Variants in PTPRT observed in about 807,000 individuals in gnomAD.
PTPRT encodes the protein receptor-type tyrosine-protein phosphatase T.
In PTPRT, 56 loss-of-function variants were observed where a neutral mutation model predicts 176.8. The observed-to-expected ratio is 0.32, with a 90% CI of 0.26 to 0.40. The LOEUF (loss-of-function observed/expected upper bound fraction) is 0.40, where lower values mean the gene tolerates loss of function less well. PTPRT is among the 10% of genes least tolerant of loss of function. PTPRT has a pLI of 1.00. For synonymous variants in PTPRT, 783 were observed against 739.0 expected (o/e 1.06, Z -0.96); for missense variants, 1,540 against 1,908.2 (o/e 0.81, Z 3.60).
chr20:42,560,261 G>A (rs376873842), intron 7 of PTPRT, among the ~76,000 whole-genome samples: 1 of 152,156 alleles, frequency 6.6e-6, no homozygotes, highest in African/African-American at 2.4e-5. Flanking sequence ...GGAGGTACAG[G>A]CATGGGATTG....
At chr20:42,827,890 T>C (rs2078023029) in intron 2 of PTPRT, among the ~76,000 whole-genome samples, 1 of 152,162 alleles carries the variant, frequency 6.6e-6, no homozygotes. Flanking sequence ...GAACGGTGAG[T>C]CAACTAAACA....
chr20:42,805,874 T>C (rs1045378510), intron 2 of PTPRT, among the ~76,000 whole-genome samples: 6 of 152,168 alleles, frequency 3.9e-5, no homozygotes, highest in African/African-American at 1.2e-4. Context: ...GGACCGGTGC[T>C]TCTCATCTTT....
intron 9 of PTPRT, among the ~76,000 whole-genome samples, chr20:42,437,081 C>T (rs373189129): frequency 3.9e-5 from 6 of 152,068 alleles, no homozygotes; most frequent in South Asian, 4.2e-4. Flanking sequence ...GATGGGGAGA[C>T]GTAAGTGAGT....
At chr20:43,010,488 C>G (rs564727054) in intron 1 of PTPRT, among the ~76,000 whole-genome samples, 21 of 152,230 alleles carry the variant, frequency 1.4e-4, no homozygotes, top group African/African-American at 4.8e-4. Context: ...ATAGTGTTCC[C>G]CAAGAACTTA....
intron 9 of PTPRT, among the ~76,000 whole-genome samples, chr20:42,392,952 T>C (rs77561468): frequency 0.069 from 10,417 of 152,016 alleles, 446 homozygotes; most frequent in African/African-American, 0.12. Flanking sequence ...AAGAGGAAAA[T>C]CTGATTTTTT....
At chr20:42,629,719 A>T (rs1239913632) in intron 7 of PTPRT, among the ~76,000 whole-genome samples, 1 of 152,172 alleles carries the variant, frequency 6.6e-6, no homozygotes, top group Non-Finnish European at 1.5e-5. Flanking sequence ...CAATGACTTA[A>T]AGCAGACACG....
chr20:42,159,920 G>C (rs1172575299), intron 17 of PTPRT, among the ~76,000 whole-genome samples: 1 of 152,106 alleles, frequency 6.6e-6, no homozygotes, highest in African/African-American at 2.4e-5. Context: ...TACTACATTG[G>C]AATCCAGCTG....
At chr20:43,083,344 A>G (rs948001568) in intron 1 of PTPRT, among the ~76,000 whole-genome samples, 3 of 121,212 alleles carry the variant, frequency 2.5e-5, no homozygotes, top group African/African-American at 6.0e-5. Flanking sequence ...ATATATATAT[A>G]TATATATATA....
At chr20:42,723,643 C>T (rs2076336077) in intron 6 of PTPRT, among the ~76,000 whole-genome samples, 2 of 152,206 alleles carry the variant, frequency 1.3e-5, no homozygotes, top group Admixed American at 6.5e-5. Context: ...CAGGACACAC[C>T]TCCCTTTCTA....
At chr20:42,580,766 C>A (rs950256103) in intron 7 of PTPRT, among the ~76,000 whole-genome samples, 1 of 152,162 alleles carries the variant, frequency 6.6e-6, no homozygotes, top group Non-Finnish European at 1.5e-5. Context: ...TATCCTGAGA[C>A]TTTGCTGAAG....
chr20:43,179,285 C>T lies in PTPRT; in HGVS notation c.88+10361G>A, dbSNP rs140909043. 9.9e-3 allele frequency among the ~76,000 whole-genome samples: 1,514 copies of T among 152,300 alleles called. 30 individuals carry two copies. The highest frequency in any genetic ancestry group is 0.034 in the African/African-American group (1,409 of 41,564). ...GTGTTTCAATCCATATAATAACTTA[C>T]GTGTTTACATCAGACTTTTTAATTG... On this transcript the variant is annotated intron_variant, in intron 1 of 30. Coordinates refer to ENST00000373187, the MANE Select transcript of PTPRT (RefSeq NM_007050.6).
At chr20:42,732,257 A>G (rs2076472840) in intron 6 of PTPRT, among the ~76,000 whole-genome samples, 2 of 152,350 alleles carry the variant, frequency 1.3e-5, no homozygotes, top group East Asian at 1.9e-4. Flanking sequence ...GAGATGCCAG[A>G]CAGCACAGAT....
intron 1 of PTPRT, among the ~76,000 whole-genome samples, chr20:43,003,322 G>C (rs1984686773): frequency 6.6e-6 from 1 of 152,202 alleles, no homozygotes; most frequent in Non-Finnish European, 1.5e-5. Flanking sequence ...AAGTAGCTGA[G>C]AATACAGATG....
At chr20:42,802,926 T>C (rs1453027708) in intron 2 of PTPRT, among the ~76,000 whole-genome samples, 1 of 152,242 alleles carries the variant, frequency 6.6e-6, no homozygotes. Context: ...ACATGCTTCC[T>C]AGGCTTGTTA....
chr20:42,977,004 T>G (rs2146078216), intron 1 of PTPRT, among the ~76,000 whole-genome samples: 1 of 152,272 alleles, frequency 6.6e-6, no homozygotes, highest in African/African-American at 2.4e-5. Flanking sequence ...CCATTCAAAT[T>G]TTTAACCACA....
chr20:42,651,640 G>A (rs964441879), intron 7 of PTPRT, among the ~76,000 whole-genome samples: 5 of 152,154 alleles, frequency 3.3e-5, no homozygotes, highest in African/African-American at 9.7e-5. Flanking sequence ...TTGTATTGCT[G>A]AGCAGAGACA....
At chr20:42,300,581 G>A (rs1179930713) in intron 12 of PTPRT, among the ~76,000 whole-genome samples, 1 of 151,802 alleles carries the variant, frequency 6.6e-6, no homozygotes, top group East Asian at 1.9e-4. Flanking sequence ...TGATAGTACT[G>A]AAGTATAACC....
chr20:42,109,045 C>A (rs911330519), intron 23 of PTPRT, among the ~76,000 whole-genome samples: 1 of 150,832 alleles, frequency 6.6e-6, no homozygotes, highest in Non-Finnish European at 1.5e-5. Flanking sequence ...AGATATAAAG[C>A]AAAGCAGAAA....
At chr20:42,437,963 A>G (rs2059277399) in intron 9 of PTPRT, among the ~76,000 whole-genome samples, 1 of 152,218 alleles carries the variant, frequency 6.6e-6, no homozygotes, top group African/African-American at 2.4e-5. Flanking sequence ...AACATCCGAG[A>G]TGAAAAGAGA....
Sources: gnomAD v4.1 joint callset for allele counts (sites outside exome capture counted in the v4.1 genomes callset) on GRCh38, gnomAD v4.1.1 for gene constraint, MANE v1.5 for transcripts, NCBI Gene and HGNC (gene_info 2026-07-23, HGNC 2026-07-21) for gene names.